The following TMEM178B variants were observed in gnomAD, a reference collection of about 807,000 sequenced individuals.
TMEM178B encodes the protein transmembrane protein 178B.
TMEM178B carries 5 observed loss-of-function variants against 31.0 expected under a neutral mutation model. The ratio of observed to expected loss-of-function variants is 0.16; its 90% CI spans 0.08 to 0.34. The LOEUF (loss-of-function observed/expected upper bound fraction) is 0.34, where lower values mean the gene tolerates loss of function less well. TMEM178B is among the 10% of genes least tolerant of loss of function. TMEM178B has a pLI of 1.00. For synonymous variants in TMEM178B, 164 were observed against 164.0 expected (o/e 1.00, Z 0.00); for missense variants, 275 against 400.3 (o/e 0.69, Z 2.67).
At chr7:141,182,383 T>A (rs1450737717) in intron 1 of TMEM178B, among the ~76,000 whole-genome samples, 1 of 152,216 alleles carries the variant, frequency 6.6e-6, no homozygotes, top group African/African-American at 2.4e-5. Flanking sequence ...GGTCTCAAAC[T>A]TATTATACTG....
chr7:141,318,392 G>T lies in TMEM178B; in HGVS notation c.496+105688G>T, dbSNP rs1240434788. Among the ~76,000 whole-genome samples the T allele has an allele frequency of 6.6e-6, 1 of 152,174 alleles. No individual in the cohort carries two copies. The highest frequency in any genetic ancestry group is 2.4e-5 in the African/African-American group (1 of 41,426). ...GCTTGGTTGTTCACATATCCAAGCT[G>T]GCTTGAATTAATCTAGTGGGGGGAA... On this transcript the variant is annotated intron_variant, in intron 2 of 3. Coordinates refer to ENST00000565468, the MANE Select transcript of TMEM178B (RefSeq NM_001195278.2). This position sits in a 1 kb window ranked among gnomAD's most constrained non-coding sequence, Gnocchi z 4.1.
intron 3 of TMEM178B, among the ~76,000 whole-genome samples, chr7:141,442,677 T>G (rs1282275394): frequency 6.6e-6 from 1 of 152,204 alleles, no homozygotes; most frequent in Non-Finnish European, 1.5e-5. Flanking sequence ...GGATGGCTCA[T>G]TTTTCCAATT....
chr7:141,121,680 A>G (rs1370066033), intron 1 of TMEM178B, among the ~76,000 whole-genome samples: 1 of 152,150 alleles, frequency 6.6e-6, no homozygotes, highest in Non-Finnish European at 1.5e-5. Flanking sequence ...GAAATTAATT[A>G]TGCCTCAGTT....
chr7:141,389,205 A>C (rs1177426084), intron 2 of TMEM178B, among the ~76,000 whole-genome samples: 1 of 152,238 alleles, frequency 6.6e-6, no homozygotes, highest in Non-Finnish European at 1.5e-5. Flanking sequence ...AAGAGGTACA[A>C]GTACAGAATG....
intron 2 of TMEM178B, among the ~76,000 whole-genome samples, chr7:141,322,670 G>A (rs1008367731): frequency 1.3e-5 from 2 of 152,144 alleles, no homozygotes; most frequent in African/African-American, 2.4e-5. Context: ...GGGACGTGTC[G>A]AGAACAAAGG....
At chr7:141,192,546 T>TG (rs1796714690) in intron 1 of TMEM178B, among the ~76,000 whole-genome samples, 1 of 150,996 alleles carries the variant, frequency 6.6e-6, no homozygotes, top group East Asian at 2.0e-4. Context: ...TGGAGTGCAG[T>TG]GGGGCGATCT....
Position 141,414,225 on chromosome 7 carries a change from C to T in TMEM178B, c.497-23383C>T, listed in dbSNP as rs537727095. 1.0e-4 allele frequency among the ~76,000 whole-genome samples: 7 copies of T among 68,792 alleles called. 3 individuals carry two copies. Among genetic ancestry groups the T allele is most frequent in the Non-Finnish European group, 1.8e-4 (7 of 38,568 alleles). The allele number at this position is 68,792 out of a possible 152,430, so 45.1% of individuals were successfully genotyped here. A position where few individuals can be genotyped will look rare whatever the true frequency, so the allele number is the denominator to read the frequency against. ...TCAGCCTCCCGAGTAGCTGGGACTACAGGCGCCCGCCACCGCGCCCGGCTA... is the reference window on the plus strand; with the variant it reads ...TCAGCCTCCCGAGTAGCTGGGACTATAGGCGCCCGCCACCGCGCCCGGCTA... On this transcript the variant is annotated intron_variant, in intron 2 of 3. Transcript: ENST00000565468.
intron 1 of TMEM178B, among the ~76,000 whole-genome samples, chr7:141,196,165 T>G (rs10281308): frequency 0.057 from 8,666 of 152,104 alleles, 759 homozygotes; most frequent in African/African-American, 0.19. Context: ...ACACACACAG[T>G]TCTATTTCAT....
intron 2 of TMEM178B, among the ~76,000 whole-genome samples, chr7:141,317,375 A>G (rs774720747): frequency 1.3e-5 from 2 of 152,172 alleles, no homozygotes; most frequent in African/African-American, 4.8e-5. Flanking sequence ...TTATAATCCT[A>G]CCTTTCTGTT....
intron 2 of TMEM178B, among the ~76,000 whole-genome samples, chr7:141,414,020 C>T (rs1322460513): frequency 6.6e-6 from 1 of 151,432 alleles, no homozygotes; most frequent in Non-Finnish European, 1.5e-5. Flanking sequence ...GCAGATAAAA[C>T]ATACAATTTC....
At chr7:141,315,662 C>T (rs937676486) in intron 2 of TMEM178B, among the ~76,000 whole-genome samples, 2 of 152,100 alleles carry the variant, frequency 1.3e-5, no homozygotes, top group Non-Finnish European at 2.9e-5. Context: ...TTTTCATTTA[C>T]ATGTTTTAAG....
chr7:141,114,751 C>T (rs1476303198), intron 1 of TMEM178B, among the ~76,000 whole-genome samples: 1 of 152,222 alleles, frequency 6.6e-6, no homozygotes, highest in African/African-American at 2.4e-5. Flanking sequence ...TAACCTACTG[C>T]ATATAAACTA....
At chr7:141,334,570 T>C (rs967363373) in intron 2 of TMEM178B, among the ~76,000 whole-genome samples, 2 of 152,088 alleles carry the variant, frequency 1.3e-5, no homozygotes, top group Admixed American at 1.3e-4. Context: ...CCAAGTTCCT[T>C]GGGAACAGGG....
chr7:141,208,079 G>A (rs1235025490), intron 1 of TMEM178B, among the ~76,000 whole-genome samples: 1 of 152,154 alleles, frequency 6.6e-6, no homozygotes, highest in East Asian at 1.9e-4. Context: ...TGTAGTCACA[G>A]CTATTGCAGA....
rs370064645 is a variant in TMEM178B, at chr7:141,078,515, C to T, written c.382+3823C>T. ...CATGTATTGTGTTATGGGCACACAT[C>T]GCTAGGATGAAGAAATGCATAAGAT... On this transcript the variant is annotated intron_variant, in intron 1 of 3. Transcript: ENST00000565468. Among the ~76,000 whole-genome samples the T allele has an allele frequency of 5.3e-5, 8 of 152,234 alleles. No individual in the cohort carries two copies. In the South Asian group the frequency reaches 1.2e-3, roughly 24 times the overall value.
chr7:141,268,671 T>C (rs1341510842), intron 2 of TMEM178B, among the ~76,000 whole-genome samples: 1 of 152,236 alleles, frequency 6.6e-6, no homozygotes, highest in African/African-American at 2.4e-5. Context: ...TGTAAGCAAG[T>C]GGGATCCAGA....
intron 1 of TMEM178B, among the ~76,000 whole-genome samples, chr7:141,109,503 C>T (rs945864997): frequency 6.6e-6 from 1 of 151,994 alleles, no homozygotes; most frequent in Non-Finnish European, 1.5e-5. Flanking sequence ...TTTTCAAAGG[C>T]CTGGGTTCCT....
At chr7:141,487,847 T>C in the TMEM178B span, among the ~76,000 whole-genome samples, 1 of 150,336 alleles carries the variant, frequency 6.7e-6, no homozygotes, top group Admixed American at 6.6e-5. Context: ...TCAAAAAATG[T>C]AAAAATATAA....
intron 2 of TMEM178B, among the ~76,000 whole-genome samples, chr7:141,343,065 C>A (rs779100660): frequency 6.6e-6 from 1 of 152,200 alleles, no homozygotes; most frequent in Non-Finnish European, 1.5e-5. Flanking sequence ...ATTCACTAGG[C>A]CCGGGCTGAG....
Sources: gnomAD v4.1 joint callset for allele counts (sites outside exome capture counted in the v4.1 genomes callset) on GRCh38, gnomAD v4.1.1 for gene constraint, Gnocchi (gnomAD v3.1) non-coding constraint, MANE v1.5 for transcripts, NCBI Gene and HGNC (gene_info 2026-07-23, HGNC 2026-07-21) for gene names.